The following ARL15 variants were observed in gnomAD, a reference collection of about 807,000 sequenced individuals.
ARL15 encodes ADP-ribosylation factor-like protein 15.
In ARL15, 19 loss-of-function variants were observed where a neutral mutation model predicts 25.2. The ratio of observed to expected loss-of-function variants is 0.75; its 90% CI spans 0.53 to 1.10. The LOEUF (loss-of-function observed/expected upper bound fraction) is 1.10, where lower values mean the gene tolerates loss of function less well. Ranked by LOEUF, ARL15 falls within the 50% of genes least tolerant of loss-of-function variation. The probability of loss-of-function intolerance (pLI) is 0.00; values close to 1 mark genes in which losing one functional copy is unlikely to be tolerated. For missense variants in ARL15, 220 were observed against 246.0 expected, an observed-to-expected ratio of 0.89 and a Z score of 0.71; for synonymous variants, 94 against 86.8, an observed-to-expected ratio of 1.08 and a Z score of -0.46.
At chr5:54,108,311 C>T in intron 4 of ARL15, among the ~76,000 whole-genome samples, 1 of 152,086 alleles carries the variant, frequency 6.6e-6, no homozygotes, top group Non-Finnish European at 1.5e-5. Context: ...CAGTTTGTAT[C>T]TCTCATACCA....
At chr5:54,204,683 T>C (rs1349462544) in intron 1 of ARL15, among the ~76,000 whole-genome samples, 1 of 152,184 alleles carries the variant, frequency 6.6e-6, no homozygotes, top group East Asian at 1.9e-4. Flanking sequence ...TCAGTGCAGA[T>C]GAATAAGATT....
chr5:54,158,083 G>A (rs896208513), intron 2 of ARL15, among the ~76,000 whole-genome samples: 6 of 152,106 alleles, frequency 3.9e-5, no homozygotes, highest in African/African-American at 1.4e-4. Context: ...TTTACATCAG[G>A]TTGGATGAGG....
chr5:54,127,551 C>A (rs1412869103), intron 3 of ARL15, among the ~76,000 whole-genome samples: 1 of 151,488 alleles, frequency 6.6e-6, no homozygotes, highest in Non-Finnish European at 1.5e-5. Context: ...ATTCCATGCT[C>A]ATGGGTAGGA....
intron 4 of ARL15, among the ~76,000 whole-genome samples, chr5:53,921,332 C>T (rs6867699): frequency 1.3e-3 from 205 of 152,210 alleles, no homozygotes; most frequent in African/African-American, 4.7e-3. Flanking sequence ...GTATACTGTC[C>T]CCCCTATAGC....
intron 1 of ARL15, among the ~76,000 whole-genome samples, chr5:54,200,101 A>G (rs2112480049): frequency 1.4e-5 from 2 of 141,200 alleles, no homozygotes; most frequent in East Asian, 4.7e-4. Context: ...CAATGAGAAC[A>G]CATGGACACA....
At chr5:54,161,227 T>C (rs1181328534) in intron 2 of ARL15, among the ~76,000 whole-genome samples, 2 of 152,198 alleles carry the variant, frequency 1.3e-5, no homozygotes, top group African/African-American at 4.8e-5. Flanking sequence ...ATACAAAATG[T>C]TGCAAGAAAT....
At chr5:54,114,807 G>A (rs967785189) in intron 3 of ARL15, among the ~76,000 whole-genome samples, 14 of 151,962 alleles carry the variant, frequency 9.2e-5, no homozygotes, top group African/African-American at 3.2e-4. Context: ...GGGGCAATAT[G>A]TGTGCATGTG....
At chr5:54,076,780 A>G (rs949176372) in intron 4 of ARL15, among the ~76,000 whole-genome samples, 9 of 135,438 alleles carry the variant, frequency 6.6e-5, no homozygotes, top group Middle Eastern at 7.8e-3. Context: ...ATAGAGTCCA[A>G]TGTAGGAGTG....
chr5:53,963,381 C>G (rs1271726492), intron 4 of ARL15, among the ~76,000 whole-genome samples: 2 of 152,106 alleles, frequency 1.3e-5, no homozygotes, highest in Non-Finnish European at 2.9e-5. Context: ...CCAGTAGGAG[C>G]CAGCACAGAA....
chr5:53,964,197 G>C (rs904938023), intron 4 of ARL15, among the ~76,000 whole-genome samples: 2 of 152,064 alleles, frequency 1.3e-5, no homozygotes, highest in Non-Finnish European at 2.9e-5. Flanking sequence ...CCCTTTTACA[G>C]AATATTCACT....
chr5:54,235,802 G>A (rs1029951589), intron 1 of ARL15, among the ~76,000 whole-genome samples: 2 of 152,154 alleles, frequency 1.3e-5, no homozygotes, highest in Non-Finnish European at 2.9e-5. Context: ...GTTATTTCTG[G>A]CAAGGAATAT....
chr5:54,051,729 C>G (rs1316642344), intron 4 of ARL15, among the ~76,000 whole-genome samples: 2 of 152,176 alleles, frequency 1.3e-5, no homozygotes, highest in African/African-American at 2.4e-5. Context: ...AATGGTACAA[C>G]CACATTGGAA....
intron 2 of ARL15, among the ~76,000 whole-genome samples, chr5:54,171,328 G>A (rs963467324): frequency 6.6e-6 from 1 of 152,166 alleles, no homozygotes; most frequent in Non-Finnish European, 1.5e-5. Context: ...ATAGGGGAAG[G>A]CTGATGCATG....
chr5:54,307,284 C>T (rs1758780861), intron 1 of ARL15, among the ~76,000 whole-genome samples: 1 of 152,176 alleles, frequency 6.6e-6, no homozygotes, highest in South Asian at 2.1e-4. Context: ...CTGAACAAAA[C>T]ACCTAATCCA....
intron 4 of ARL15, among the ~76,000 whole-genome samples, chr5:54,068,981 G>A (rs370368069): frequency 1.2e-4 from 18 of 152,202 alleles, no homozygotes; most frequent in African/African-American, 3.9e-4. Context: ...CTTAACAAAT[G>A]TTTGCTGTTA....
chr5:54,071,959 G>A (rs1171962690), intron 4 of ARL15, among the ~76,000 whole-genome samples: 5 of 136,650 alleles, frequency 3.7e-5, no homozygotes, highest in Admixed American at 8.1e-5. Flanking sequence ...GTGACAGAGC[G>A]AGACTCCGTC....
intron 1 of ARL15, among the ~76,000 whole-genome samples, chr5:54,256,838 C>A (rs1048971818): frequency 2.0e-5 from 3 of 151,392 alleles, no homozygotes; most frequent in African/African-American, 7.3e-5. Flanking sequence ...TGTAAAAAAA[C>A]ATGATCATCT....
chr5:54,003,149 T>C (rs755024853), intron 4 of ARL15, among the ~76,000 whole-genome samples: 4 of 152,174 alleles, frequency 2.6e-5, no homozygotes, highest in Non-Finnish European at 4.4e-5. Context: ...CAGGGTAACT[T>C]AGAATGTAGT....
intron 4 of ARL15, among the ~76,000 whole-genome samples, chr5:54,017,587 GAA>G (rs34358029): frequency 0.38 from 49,332 of 131,328 alleles, 8,859 homozygotes; most frequent in Admixed American, 0.46. Context: ...CTTTGTGGAA[GAA>G]AAAAAAAAAA....
Sources: gnomAD v4.1 joint callset for allele counts (sites outside exome capture counted in the v4.1 genomes callset) on GRCh38, gnomAD v4.1.1 for gene constraint, MANE v1.5 for transcripts, NCBI Gene and HGNC (gene_info 2026-07-23, HGNC 2026-07-21) for gene names.